CLK3: variants seen among roughly 807,000 people sequenced by gnomAD.
CLK3 encodes the protein dual specificity protein kinase CLK3.
In CLK3, 24 loss-of-function variants were observed where a neutral mutation model predicts 65.2. The ratio of observed to expected loss-of-function variants is 0.37; its 90% CI spans 0.27 to 0.52. The LOEUF is 0.52. Ranked by LOEUF, CLK3 falls within the 20% of genes least tolerant of loss-of-function variation. The pLI, the probability that CLK3 is intolerant of heterozygous loss-of-function variation, is 0.92. For missense variants in CLK3, 506 were observed against 660.0 expected (o/e 0.77, Z 2.56); for synonymous variants, 252 against 240.8 (o/e 1.05, Z -0.43).
intron 5 of CLK3, among the ~76,000 whole-genome samples, chr15:74,623,103 G>A (rs934735678): frequency 6.6e-6 from 1 of 152,140 alleles, no homozygotes; most frequent in African/African-American, 2.4e-5. Flanking sequence ...AGTGTGCCTG[G>A]GAGAGTGGGG....
At chr15:74,617,525 T>C (rs1367673783) in intron 1 of CLK3, among the ~76,000 whole-genome samples, 1 of 152,254 alleles carries the variant, frequency 6.6e-6, no homozygotes, top group Non-Finnish European at 1.5e-5. Context: ...AATAATTTGT[T>C]CAAAGGCACA....
At chr15:74,629,131 C>A in intron 12 of CLK3, 99 bp downstream of exon 12, 1 of 918,014 alleles carries the variant, frequency 1.1e-6, no homozygotes, top group Non-Finnish European at 1.8e-6. Flanking sequence ...TAAAGGCTGC[C>A]TCCTTGATCC....
At chr15:74,628,795 G>C in intron 11 of CLK3, 112 bp downstream of exon 11, 1 of 1,066,136 alleles carries the variant, frequency 9.4e-7, no homozygotes, top group Non-Finnish European at 1.4e-6. Context: ...CCATGGTTCC[G>C]CAGGCTCCTA....
upstream of CLK3, chr15:74,615,325 A>G: frequency 2.1e-6 from 2 of 941,462 alleles, no homozygotes; most frequent in Non-Finnish European, 1.4e-6. Context: ...ACGGCTTTCA[A>G]AAAACCCGCA....
chr15:74,619,677 C>A (rs899728596), intron 2 of CLK3, among the ~76,000 whole-genome samples: 1 of 152,164 alleles, frequency 6.6e-6, no homozygotes, highest in African/African-American at 2.4e-5. Context: ...AAAGTTTGCT[C>A]CCTGGGCCTA....
At chr15:74,623,799 G>T (rs1202063541) in intron 5 of CLK3, 1 of 152,364 alleles carries the variant, frequency 6.6e-6, no homozygotes, top group Admixed American at 6.5e-5. Flanking sequence ...GCCAGTGGGG[G>T]TTGTCATGCA....
intron 7 of CLK3, chr15:74,626,927 T>C (rs2062147285): frequency 2.2e-6 from 1 of 454,192 alleles, no homozygotes; most frequent in Non-Finnish European, 4.4e-6. Flanking sequence ...TAATGTCCTT[T>C]TGCCACCACC....
Position 74,622,272 on chromosome 15 carries a change from C to T in CLK3, c.466+56C>T, listed in dbSNP as rs752475140. 436 of 1,529,558 alleles carry T rather than the reference C, an allele frequency of 2.9e-4. 1 individual carries two copies. Among genetic ancestry groups the T allele is most frequent in the Non-Finnish European group, 3.8e-4 (421 of 1,112,566 alleles). 94.7% of individuals were successfully genotyped at this position (1,529,558 alleles called of 1,614,324 possible). A position where few individuals can be genotyped will look rare whatever the true frequency, so the allele number is the denominator to read the frequency against. On this transcript the variant is annotated intron_variant, in intron 4 of 12. Transcript: ENST00000395066. This position sits in a 1 kb window ranked among gnomAD's most constrained non-coding sequence, Gnocchi z 4.6. ...TCTACTTTCTACCCCCCTTGTTAGA[C>T]GAGACCTCTCCTGCCTGGAGGGGCC...
In CLK3 at chr15:74,627,795, C is replaced by A; in HGVS notation, c.1042+127C>A. 7.2e-7 allele frequency: 1 copy of A among 1,392,978 alleles called. No homozygotes were observed. The highest frequency in any genetic ancestry group is 1.0e-6 in the Non-Finnish European group (1 of 994,680). 86.3% of individuals were successfully genotyped at this position (1,392,978 alleles called of 1,614,324 possible). A position where few individuals can be genotyped will look rare whatever the true frequency, so the allele number is the denominator to read the frequency against. On this transcript the variant is annotated intron_variant, in intron 9 of 12. Transcript: ENST00000395066. The surrounding 1 kb of genome is among the most constrained non-coding windows in gnomAD (Gnocchi z 4.3). ...GGCAGAGTTTCTCAGACCAAGGGGC[C>A]AGTGTCATGAGACACAGGTGACTGA...
Position 74,622,046 on chromosome 15 carries a change from A to C in CLK3, c.370-74A>C. On this transcript the variant is annotated intron_variant, in intron 3 of 12. Transcript: ENST00000395066. This position sits in a 1 kb window ranked among gnomAD's most constrained non-coding sequence, Gnocchi z 4.6. Reference sequence around the variant, plus strand: ...CCGTCTCCACCTCTGCCTTTGACTGACACCTCAATCTGTCAATCGGAACCG... The same window carrying C: ...CCGTCTCCACCTCTGCCTTTGACTGCCACCTCAATCTGTCAATCGGAACCG... The C allele has an allele frequency of 7.1e-7, 1 of 1,417,064 alleles. No individual in the cohort carries two copies. Among genetic ancestry groups the C allele is most frequent in the Non-Finnish European group, 1.0e-6 (1 of 1,003,308 alleles). 87.8% of individuals were successfully genotyped at this position (1,417,064 alleles called of 1,614,324 possible).
At position 74,627,455 on chromosome 15, in the gene CLK3, G is replaced by C; in HGVS notation, c.912+9G>C. The C allele has an allele frequency of 1.2e-6, 2 of 1,614,058 alleles. No homozygotes were observed. The highest frequency in any genetic ancestry group is 1.1e-5 in the South Asian group (1 of 91,068). On this transcript the variant is annotated intron_variant, in intron 8 of 12. Transcript: ENST00000395066. This position sits in a 1 kb window ranked among gnomAD's most constrained non-coding sequence, Gnocchi z 4.3. ...TCTACAATGAGCACAAGGTATTGGT[G>C]GGGGTAAGGGTGAGGCCCTGTTTCA...
intron 11 of CLK3, 25 bp downstream of exon 11, chr15:74,628,708 G>C (rs1320900676): frequency 6.3e-7 from 1 of 1,591,860 alleles, no homozygotes; most frequent in South Asian, 1.1e-5. Flanking sequence ...AGCCCCCTCA[G>C]GGTTGGTATA....
rs1282325030 is a variant in CLK3 at position 74,622,369 on chromosome 15, T to C, written c.467-125T>C. On this transcript the variant is annotated intron_variant, in intron 4 of 12. Transcript: ENST00000395066. This position sits in a 1 kb window ranked among gnomAD's most constrained non-coding sequence, Gnocchi z 4.6. ...TGACACAGACACTAGCAACTTCCATTTTTAAGAGTGTAGCAGTGAGAGAGA... is the reference window on the plus strand; with the variant it reads ...TGACACAGACACTAGCAACTTCCATCTTTAAGAGTGTAGCAGTGAGAGAGA... The C allele has an allele frequency of 9.5e-7, 1 of 1,054,344 alleles. No homozygotes were observed. The highest frequency in any genetic ancestry group is 2.4e-5 in the East Asian group (1 of 41,870). The allele number at this position is 1,054,344 out of a possible 1,614,324, so 65.3% of individuals were successfully genotyped here.
At position 74,627,646 on chromosome 15, in the gene CLK3, T is replaced by A; in HGVS notation, c.1020T>A (p.Tyr340Ter). ...CCACCATTGTGGCCACCCGTCACTA[T>A]CGCCCGCCTGAGGTGATCCTTGGTG... Reference protein sequence around the residue: ...HHTTIVATRHYRPPEVILELG... With the variant: ...HHTTIVATRH Residue 340 changes from tyrosine (Y) to a stop codon, truncating the protein, a stop_gained, in exon 9 of 13, where the codon TAT (tyrosine) becomes TAA (stop). Transcript: ENST00000395066. LOFTEE classifies it high-confidence loss of function. This position sits in a 1 kb window ranked among gnomAD's most constrained non-coding sequence, Gnocchi z 4.3. 6.2e-7 allele frequency: 1 copy of A among 1,613,896 alleles called. No individual in the cohort carries two copies. The highest frequency in any genetic ancestry group is 8.5e-7 in the Non-Finnish European group (1 of 1,180,030).
chr15:74,625,711 A>G (rs2062138926), intron 6 of CLK3, 91 bp from the exon 7 acceptor site: 1 of 1,389,076 alleles, frequency 7.2e-7, no homozygotes, highest in Non-Finnish European at 1.0e-6. Context: ...CCGGTGGCCT[A>G]GGAGAGAGTT....
chr15:74,629,427 C>T (rs78225360), intron 12 of CLK3: 6 of 548,370 alleles, frequency 1.1e-5, no homozygotes, highest in African/African-American at 9.5e-5. Context: ...AAGTGAATTT[C>T]GCAGAGGTGA....
At position 74,609,521 on chromosome 15, in the gene CLK3, T is replaced by A. The variant is rs143155879; in HGVS notation, c.-1+1095T>A. ...AGGCTCCCTTGCCTCTGCCCCCTGG[T>A]ACAGATGGGCATGGCCTGGATCAGC... On this transcript the variant is annotated intron_variant, in intron 1 of 12. Coordinates refer to the CLK3 transcript ENST00000345005. Among the ~76,000 whole-genome samples the A allele has an allele frequency of 2.8e-3, 431 of 152,372 alleles. 5 individuals are homozygous for A. Among genetic ancestry groups the A allele is most frequent in the East Asian group, 0.024 (126 of 5,190 alleles).
upstream of CLK3, chr15:74,615,512 C>A (rs1193873662): frequency 1.0e-5 from 13 of 1,304,590 alleles, no homozygotes; most frequent in Non-Finnish European, 1.3e-5. Context: ...GTCGGGGCGA[C>A]GGAGCGGGCC....
At chr15:74,614,788 C>T (rs1229533048), upstream of CLK3, 2 of 152,136 alleles carry the variant, frequency 1.3e-5, no homozygotes, top group East Asian at 1.9e-4. Flanking sequence ...ACCCTTGGCG[C>T]CCCCGCGGAG....
Sources: gnomAD v4.1 joint callset for allele counts (sites outside exome capture counted in the v4.1 genomes callset) on GRCh38, gnomAD v4.1.1 for gene constraint, Gnocchi (gnomAD v3.1) non-coding constraint, MANE v1.5 for transcripts, NCBI Gene and HGNC (gene_info 2026-07-23, HGNC 2026-07-21) for gene names.